CACNA2D2: variants seen among roughly 807,000 people sequenced by gnomAD.
The protein encoded by CACNA2D2 is voltage-dependent calcium channel subunit alpha-2/delta-2.
CACNA2D2 carries 48 observed loss-of-function variants against 166.4 expected under a neutral mutation model. The ratio of observed to expected loss-of-function variants is 0.29; its 90% confidence interval spans 0.23 to 0.37. CACNA2D2 has a LOEUF of 0.37. Ranked by LOEUF, CACNA2D2 falls within the 10% of genes least tolerant of loss-of-function variation. CACNA2D2 has a pLI of 1.00. For missense variants in CACNA2D2, 1,122 were observed against 1,433.0 expected (o/e 0.78, Z 3.50); for synonymous variants, 561 against 573.7 (o/e 0.98, Z 0.32).
At chr3:50,369,954 G>A (rs1434399542) in intron 23 of CACNA2D2, among the ~76,000 whole-genome samples, 1 of 152,246 alleles carries the variant, frequency 6.6e-6, no homozygotes, top group Non-Finnish European at 1.5e-5. Context: ...GGGGGGATGG[G>A]CAGGACACCA....
chr3:50,383,075 T>C (rs1705411976), intron 6 of CACNA2D2, among the ~76,000 whole-genome samples: 1 of 152,200 alleles, frequency 6.6e-6, no homozygotes, highest in African/African-American at 2.4e-5. Flanking sequence ...AGTGACACAG[T>C]AAATAAAAAA....
intron 22 of CACNA2D2, among the ~76,000 whole-genome samples, chr3:50,370,935 C>T (rs77082790): frequency 6.6e-5 from 10 of 152,200 alleles, no homozygotes; most frequent in Non-Finnish European, 1.2e-4. Context: ...CTGTGTCAGG[C>T]ATCAACATGG....
intron 17 of CACNA2D2, among the ~76,000 whole-genome samples, chr3:50,377,194 G>T (rs1705038088): frequency 6.6e-6 from 1 of 152,180 alleles, no homozygotes; most frequent in South Asian, 2.1e-4. Context: ...TGTTTTGTTT[G>T]TGGCTGCTTT....
chr3:50,472,511 T>C (rs1710140733), intron 2 of CACNA2D2, among the ~76,000 whole-genome samples: 1 of 152,120 alleles, frequency 6.6e-6, no homozygotes. Flanking sequence ...CTTCCCTCCT[T>C]CTATAGAGAT....
intron 4 of CACNA2D2, among the ~76,000 whole-genome samples, chr3:50,393,659 G>A (rs1174106974): frequency 6.6e-6 from 1 of 152,248 alleles, no homozygotes; most frequent in South Asian, 2.1e-4. Context: ...CCCAGCCTGA[G>A]GGCCTCCAGG....
chr3:50,462,234 C>T (rs1709619215), intron 2 of CACNA2D2, among the ~76,000 whole-genome samples: 1 of 151,978 alleles, frequency 6.6e-6, no homozygotes, highest in East Asian at 1.9e-4. Flanking sequence ...ACTACAAATA[C>T]AAAAACGAGG....
chr3:50,463,996 C>G (rs1709706244), intron 2 of CACNA2D2, among the ~76,000 whole-genome samples: 1 of 152,218 alleles, frequency 6.6e-6, no homozygotes, highest in Non-Finnish European at 1.5e-5. Flanking sequence ...TCGGTTGCCT[C>G]TGCAGATCAT....
At chr3:50,424,856 T>A (rs1707734080) in intron 3 of CACNA2D2, among the ~76,000 whole-genome samples, 1 of 151,998 alleles carries the variant, frequency 6.6e-6, no homozygotes, top group Admixed American at 6.5e-5. Flanking sequence ...CAGTGAAACC[T>A]CAGGGGTTAG....
At chr3:50,452,439 G>A (rs532229723) in intron 2 of CACNA2D2, among the ~76,000 whole-genome samples, 2 of 152,344 alleles carry the variant, frequency 1.3e-5, no homozygotes, top group African/African-American at 4.8e-5. Flanking sequence ...TTGTGCTGAC[G>A]AGAACCTCTC....
chr3:50,378,363 C>G (rs2106654446), intron 13 of CACNA2D2, 30 bp from the exon 14 acceptor site: 2 of 1,549,442 alleles, frequency 1.3e-6, no homozygotes, highest in Non-Finnish European at 1.7e-6. Flanking sequence ...AGAGGTGGGC[C>G]TGGCTGGCAC....
chr3:50,418,379 A>G (rs528405814), intron 3 of CACNA2D2, among the ~76,000 whole-genome samples: 1 of 151,996 alleles, frequency 6.6e-6, no homozygotes, highest in Admixed American at 6.5e-5. Flanking sequence ...ACTGCCCCGA[A>G]CTCCAACCAG....
chr3:50,492,804 TG>T (rs1698571555), intron 1 of CACNA2D2, among the ~76,000 whole-genome samples: 1 of 152,096 alleles, frequency 6.6e-6, no homozygotes, highest in Admixed American at 6.5e-5. Context: ...AGGGACACCC[TG>T]AAGGTCCTGT....
Position 50,432,818 on chromosome 3 carries a change from C to T in CACNA2D2, c.405+1495G>A, listed in dbSNP as rs185857312. ...TTCATGGCCCCAGGTCACATAGGGA[C>T]AGGCAGGGGATCCCATGGGGGACAG... On this transcript the variant is annotated intron_variant, in intron 3 of 37. Coordinates refer to ENST00000424201, the MANE Select transcript of CACNA2D2 (RefSeq NM_006030.4). Among the ~76,000 whole-genome samples, 778 of 152,326 alleles carry T rather than the reference C, an allele frequency of 5.1e-3. 15 individuals carry two copies. Among genetic ancestry groups the T allele is most frequent in the African/African-American group, 0.017 (725 of 41,570 alleles).
In CACNA2D2 at chr3:50,367,861, T is replaced by C; in HGVS notation, c.2185A>G (p.Ile729Val). ...ACACGCTCTACCAGCTGCTGCGTGA[T>C]GCCCGTGTCCAAGATCAGGTTGTGC... is the stretch of plus-strand genomic sequence containing the variant. ...LLHNLILDTG[I>V]TQQLVERVWR... The change falls in exon 25 of 38, where the codon ATC becomes GTC. Residue 729 changes from isoleucine to valine, a missense_variant. By Grantham distance (29) the Ile-to-Val change is conservative. Around this residue, in one of 2 missense-constraint regions of CACNA2D2, gnomAD observed 840 missense variants for 1,166.8 expected, o/e 0.72. Coordinates refer to ENST00000424201, the MANE Select transcript of CACNA2D2 (RefSeq NM_006030.4). The surrounding 1 kb of genome is among the most constrained non-coding windows in gnomAD (Gnocchi z 6.5). 7.1e-7 allele frequency: 1 copy of C among 1,415,194 alleles called. No individual in the cohort carries two copies. The highest frequency in any genetic ancestry group is 2.0e-4 in the Middle Eastern group (1 of 5,070). 87.7% of individuals were successfully genotyped at this position (1,415,194 alleles called of 1,614,324 possible).
rs1294182180 is a variant in CACNA2D2 at position 50,375,732 on chromosome 3, T to C, written c.1846-27A>G. 1 of 1,612,978 alleles carries C rather than the reference T, an allele frequency of 6.2e-7. No homozygotes were observed. The highest frequency in any genetic ancestry group is 8.5e-7 in the Non-Finnish European group (1 of 1,179,922). On this transcript the variant is annotated intron_variant, in intron 20 of 37. Transcript: ENST00000424201. This position sits in a 1 kb window ranked among gnomAD's most constrained non-coding sequence, Gnocchi z 4.0. ...TGGGAGAGGAGGCTGGGTCAGGTAC[T>C]TGGGCTAGCAGGCAGGGGGCGCTGG... is the stretch of plus-strand genomic sequence containing the variant.
rs145378554 is a variant in CACNA2D2 at position 50,389,593 on chromosome 3, C to T, written c.466-1981G>A. Reference sequence around the variant, plus strand: ...ACAGGCTGTGGCTGGGTCCTGCCTGCACCTGGGTCAACACTAGGCACCTCA... The same window carrying T: ...ACAGGCTGTGGCTGGGTCCTGCCTGTACCTGGGTCAACACTAGGCACCTCA... On this transcript the variant is annotated intron_variant, in intron 4 of 37. Coordinates refer to ENST00000424201, the MANE Select transcript of CACNA2D2 (RefSeq NM_006030.4). Among the ~76,000 whole-genome samples the T allele has an allele frequency of 5.9e-5, 9 of 152,364 alleles. 1 individual carries two copies. The East Asian group carries it at 1.5e-3, about 26-fold the overall frequency.
chr3:50,383,337 G>A (rs986767554), intron 6 of CACNA2D2, among the ~76,000 whole-genome samples: 1 of 152,176 alleles, frequency 6.6e-6, no homozygotes, highest in African/African-American at 2.4e-5. Context: ...TTATGGAGCT[G>A]AGGCAGTGGC....
chr3:50,388,408 C>T (rs587642851), intron 4 of CACNA2D2, among the ~76,000 whole-genome samples: 2 of 152,386 alleles, frequency 1.3e-5, no homozygotes, highest in South Asian at 2.1e-4. Context: ...TTCAGGGCCA[C>T]GACTCAGGAC....
At chr3:50,370,987 A>G (rs1370056178) in intron 22 of CACNA2D2, among the ~76,000 whole-genome samples, 1 of 152,100 alleles carries the variant, frequency 6.6e-6, no homozygotes, top group Non-Finnish European at 1.5e-5. Context: ...CAGTCCAACC[A>G]GAGACGGGTC....
Sources: allele counts gnomAD v4.1 joint callset (sites outside exome capture counted in the v4.1 genomes callset), GRCh38; gene constraint gnomAD v4.1.1; regional missense constraint gnomAD v4.1.1; non-coding constraint Gnocchi (gnomAD v3.1); transcripts MANE v1.5; gene names NCBI Gene and HGNC (gene_info 2026-07-23, HGNC 2026-07-21).